RPS6KA2: variants seen among roughly 807,000 people sequenced by gnomAD.
RPS6KA2 encodes the protein ribosomal protein S6 kinase alpha-2.
RPS6KA2 carries 42 observed loss-of-function variants against 91.8 expected under a neutral mutation model. That is an observed-to-expected ratio of 0.46 (90% CI 0.36 to 0.59). RPS6KA2 has a LOEUF of 0.59. RPS6KA2 is among the 20% of genes least tolerant of loss of function. RPS6KA2 has a pLI of 0.00. For synonymous variants in RPS6KA2, 414 were observed against 393.6 expected, an observed-to-expected ratio of 1.05 and a Z score of -0.61; for missense variants, 798 against 978.5, an observed-to-expected ratio of 0.82 and a Z score of 2.46.
At chr6:166,417,583 C>T (rs529077021) in intron 19 of RPS6KA2, among the ~76,000 whole-genome samples, 7 of 151,802 alleles carry the variant, frequency 4.6e-5, no homozygotes, top group South Asian at 4.2e-4. Flanking sequence ...CCCACAATCA[C>T]GTGAGCCAAT....
At chr6:166,744,312 G>A (rs768157496) in intron 2 of RPS6KA2, among the ~76,000 whole-genome samples, 104 of 152,340 alleles carry the variant, frequency 6.8e-4, no homozygotes, top group Middle Eastern at 3.4e-3. Flanking sequence ...CACCGGCCTC[G>A]GCCAGCGTGT....
intron 2 of RPS6KA2, among the ~76,000 whole-genome samples, chr6:166,651,863 G>A (rs1787862928): frequency 1.3e-5 from 2 of 152,356 alleles, no homozygotes; most frequent in South Asian, 4.1e-4. Flanking sequence ...GTAAGCTATT[G>A]CTCTTGTATG....
rs1562429651 is a variant in RPS6KA2, at chr6:166,770,867, AC to A, written c.123+87332del. ...ACCCACAGGAACGCTTCTTACCTCT[AC>A]GGATCCAGCTACCTTTGTCTTGCAG... On this transcript the variant is annotated intron_variant, in intron 2 of 21. Coordinates refer to the RPS6KA2 transcript ENST00000503859. The surrounding 1 kb of genome is among the most constrained non-coding windows in gnomAD (Gnocchi z 5.1). 6.3e-7 allele frequency: 1 copy of A among 1,596,080 alleles called. No individual in the cohort carries two copies. Among genetic ancestry groups the A allele is most frequent in the Non-Finnish European group, 8.5e-7 (1 of 1,179,274 alleles).
At chr6:166,615,141 C>T (rs1031382572) in intron 1 of RPS6KA2, among the ~76,000 whole-genome samples, 3 of 152,088 alleles carry the variant, frequency 2.0e-5, no homozygotes, top group Non-Finnish European at 2.9e-5. Context: ...AGGATGTGGC[C>T]GCATTGTTCA....
intron 2 of RPS6KA2, among the ~76,000 whole-genome samples, chr6:166,782,722 G>GC (rs908801499): frequency 6.6e-6 from 1 of 152,194 alleles, no homozygotes; most frequent in Non-Finnish European, 1.5e-5. Context: ...GAGAGCCGGG[G>GC]CCCTACCTGA....
chr6:166,611,446 C>G (rs1382243671), intron 1 of RPS6KA2, among the ~76,000 whole-genome samples: 1 of 152,218 alleles, frequency 6.6e-6, no homozygotes, highest in African/African-American at 2.4e-5. Flanking sequence ...GGCCAGAGGA[C>G]CTTTTCAACA....
intron 2 of RPS6KA2, among the ~76,000 whole-genome samples, chr6:166,759,323 G>A (rs1204570697): frequency 1.3e-5 from 2 of 152,112 alleles, no homozygotes; most frequent in Non-Finnish European, 1.5e-5. Flanking sequence ...GGAGCCGTTG[G>A]CAAATATTAC....
rs1785827525 is a variant in RPS6KA2, at chr6:166,603,554, A to G, written c.99+23367T>C. Among the ~76,000 whole-genome samples the G allele has an allele frequency of 6.6e-6, 1 of 152,144 alleles. No individual in the cohort carries two copies. The highest frequency in any genetic ancestry group is 2.4e-5 in the African/African-American group (1 of 41,430). On this transcript the variant is annotated intron_variant, in intron 1 of 20. Coordinates refer to ENST00000265678, the MANE Select transcript of RPS6KA2 (RefSeq NM_021135.6). The surrounding 1 kb of genome is among the most constrained non-coding windows in gnomAD (Gnocchi z 4.3). Reference sequence around the variant, plus strand: ...CTTCTGGAGTCGAGGGCGCCCAGGTAAAGGGCTTTGGCATGGAAGTGCAGG... The same window carrying G: ...CTTCTGGAGTCGAGGGCGCCCAGGTGAAGGGCTTTGGCATGGAAGTGCAGG...
rs186849302 is a variant in RPS6KA2, at chr6:166,626,095, C to A, written c.99+826G>T. Among the ~76,000 whole-genome samples the A allele has an allele frequency of 1.4e-4, 22 of 152,366 alleles. No homozygotes were observed. Among genetic ancestry groups the A allele is most frequent in the African/African-American group, 5.3e-4 (22 of 41,588 alleles). On this transcript the variant is annotated intron_variant, in intron 1 of 20. Transcript: ENST00000265678. This position sits in a 1 kb window ranked among gnomAD's most constrained non-coding sequence, Gnocchi z 4.1. ...CTTTGGGTCCCAGCCTCAGTCTCCC[C>A]ATCACCATGTCTTTTTCACTTAAAC...
At chr6:166,590,679 G>C (rs1785326582) in intron 1 of RPS6KA2, among the ~76,000 whole-genome samples, 1 of 152,110 alleles carries the variant, frequency 6.6e-6, no homozygotes, top group Non-Finnish European at 1.5e-5. Context: ...CTTTCCTGCA[G>C]TAACCTTCTT....
intron 2 of RPS6KA2, among the ~76,000 whole-genome samples, chr6:166,745,608 C>T (rs1422536484): frequency 1.3e-5 from 2 of 152,216 alleles, no homozygotes; most frequent in African/African-American, 4.8e-5. Context: ...TGCGAGGGCA[C>T]AGTTCAGCCT....
intron 1 of RPS6KA2, among the ~76,000 whole-genome samples, chr6:166,548,755 T>C (rs1373532541): frequency 6.6e-6 from 1 of 151,962 alleles, no homozygotes; most frequent in Non-Finnish European, 1.5e-5. Context: ...TAGGGGAAAA[T>C]TGTCCAAACT....
At chr6:166,823,388 T>C (rs1583155688) in intron 2 of RPS6KA2, among the ~76,000 whole-genome samples, 1 of 151,996 alleles carries the variant, frequency 6.6e-6, no homozygotes. Context: ...CATTTGATGA[T>C]ACTAAAAAAT....
chr6:166,789,245 G>A (rs561893693), intron 2 of RPS6KA2, among the ~76,000 whole-genome samples: 48 of 152,314 alleles, frequency 3.2e-4, no homozygotes, highest in African/African-American at 9.9e-4. Context: ...CTACGCCCAC[G>A]GAGTCTCGCT....
Position 166,498,746 on chromosome 6 carries a change from C to T in RPS6KA2, c.605-96G>A, listed in dbSNP as rs1781892794. ...ATCAGCGTCCTTCTGTGGGCTCTGCCCCCTCTCCAGGTGGGCGCAGCAGAG... is the reference window on the plus strand; with the variant it reads ...ATCAGCGTCCTTCTGTGGGCTCTGCTCCCTCTCCAGGTGGGCGCAGCAGAG... On this transcript the variant is annotated intron_variant, in intron 7 of 20. Coordinates refer to ENST00000265678, the MANE Select transcript of RPS6KA2 (RefSeq NM_021135.6). The T allele has an allele frequency of 2.0e-6, 3 of 1,496,172 alleles. No individual in the cohort carries two copies. In the South Asian group the frequency reaches 3.5e-5, roughly 17 times the overall value. 92.7% of individuals were successfully genotyped at this position (1,496,172 alleles called of 1,614,324 possible).
chr6:166,800,419 C>T (rs759231863), intron 2 of RPS6KA2, among the ~76,000 whole-genome samples: 19 of 152,320 alleles, frequency 1.2e-4, no homozygotes, highest in Non-Finnish European at 2.4e-4. Context: ...CCTTCCACAG[C>T]GCATACACTG....
chr6:166,653,423 T>C (rs933070587), intron 2 of RPS6KA2, among the ~76,000 whole-genome samples: 9 of 152,138 alleles, frequency 5.9e-5, no homozygotes, highest in African/African-American at 2.2e-4. Context: ...GAGATTTAGG[T>C]CCAGCAGAGC....
At position 166,726,312 on chromosome 6, in the gene RPS6KA2, G is replaced by A. The variant is rs146034273; in HGVS notation, c.123+131888C>T. Among the ~76,000 whole-genome samples, 340 of 152,276 alleles carry A rather than the reference G, an allele frequency of 2.2e-3. 13 individuals carry two copies. The South Asian group carries it at 0.049, about 22-fold the overall frequency. ...CTTGCAAGTAGATGTGGAAGATAAAGAAGTAGCAATCCTGGGGAAAGGGCT... is the reference window on the plus strand; with the variant it reads ...CTTGCAAGTAGATGTGGAAGATAAAAAAGTAGCAATCCTGGGGAAAGGGCT... On this transcript the variant is annotated intron_variant, in intron 2 of 21. Transcript: ENST00000503859. This position sits in a 1 kb window ranked among gnomAD's most constrained non-coding sequence, Gnocchi z 4.4.
intron 1 of RPS6KA2, among the ~76,000 whole-genome samples, chr6:166,549,483 A>G (rs1783930672): frequency 6.6e-6 from 1 of 152,276 alleles, no homozygotes; most frequent in African/African-American, 2.4e-5. Flanking sequence ...GCAAAGGAAC[A>G]AACTACTGTT....
Sources: gnomAD v4.1 joint callset for allele counts (sites outside exome capture counted in the v4.1 genomes callset) on GRCh38, gnomAD v4.1.1 for gene constraint, Gnocchi (gnomAD v3.1) non-coding constraint, MANE v1.5 for transcripts, NCBI Gene and HGNC (gene_info 2026-07-23, HGNC 2026-07-21) for gene names.